Variants in DLC1 observed in about 807,000 individuals in gnomAD.
DLC1 encodes the protein DLC1 Rho GTPase activating protein.
Under a neutral mutation model 140.3 loss-of-function variants are expected in DLC1, and 54 were observed. The observed-to-expected ratio is 0.38, with a 90% CI of 0.31 to 0.48. DLC1 has a LOEUF of 0.48. Among genes scored for constraint, DLC1 ranks in the 20% least tolerant of loss-of-function variants. The pLI is 0.96. For synonymous variants in DLC1, 986 were observed against 728.1 expected, an observed-to-expected ratio of 1.35 and a Z score of -5.70; for missense variants, 2,536 against 1,907.0, an observed-to-expected ratio of 1.33 and a Z score of -6.14.
intron 2 of DLC1, among the ~76,000 whole-genome samples, chr8:13,406,777 A>G (rs919372642): frequency 6.6e-6 from 1 of 152,172 alleles, no homozygotes. Flanking sequence ...TCTGTGTTCT[A>G]TATACCCTCT....
intron 2 of DLC1, among the ~76,000 whole-genome samples, chr8:13,425,202 A>T (rs1411590433): frequency 6.6e-6 from 1 of 152,180 alleles, no homozygotes; most frequent in Non-Finnish European, 1.5e-5. Flanking sequence ...GTTTCCCACA[A>T]ACTCTTCGGC....
rs192461369 is a variant in DLC1, at chr8:13,250,427, T to G, written c.1348+54842A>C. ...ATGACTTCTAGAGTTCTGGATGTCC[T>G]AGACTGATAAAATTTATAAACCCTT... On this transcript the variant is annotated intron_variant, in intron 5 of 17. Transcript: ENST00000276297. Among the ~76,000 whole-genome samples, 210 of 152,298 alleles carry G rather than the reference T, an allele frequency of 1.4e-3. 1 individual carries two copies. The highest frequency in any genetic ancestry group is 4.6e-3 in the African/African-American group (192 of 41,570).
chr8:13,289,763 C>G (rs1164711214), intron 5 of DLC1, among the ~76,000 whole-genome samples: 2 of 152,156 alleles, frequency 1.3e-5, no homozygotes, highest in South Asian at 4.1e-4. Context: ...GAACCTTGTT[C>G]CAATAAACAT....
At chr8:13,408,574 G>A (rs1002605635) in intron 2 of DLC1, among the ~76,000 whole-genome samples, 5 of 152,120 alleles carry the variant, frequency 3.3e-5, no homozygotes, top group South Asian at 2.1e-4. Context: ...GGTGTGAACC[G>A]GCGGGGAGAA....
At chr8:13,462,078 G>A (rs1016706385) in intron 2 of DLC1, among the ~76,000 whole-genome samples, 22 of 152,106 alleles carry the variant, frequency 1.4e-4, no homozygotes, top group African/African-American at 5.1e-4. Flanking sequence ...AATAGTAGGG[G>A]CAGAATGAGA....
At chr8:13,404,423 G>A (rs1011517296) in intron 2 of DLC1, among the ~76,000 whole-genome samples, 16 of 152,180 alleles carry the variant, frequency 1.1e-4, no homozygotes, top group Non-Finnish European at 8.8e-5. Context: ...TGGTGACTCC[G>A]AAACACACTG....
At chr8:13,212,902 G>T (rs972335110) in intron 5 of DLC1, among the ~76,000 whole-genome samples, 2 of 152,086 alleles carry the variant, frequency 1.3e-5, no homozygotes, top group African/African-American at 2.4e-5. Context: ...CTTTTCATTT[G>T]ATCTCATCCA....
chr8:13,555,755 G>C (rs551240119), intron 1 of DLC1, among the ~76,000 whole-genome samples: 2 of 151,784 alleles, frequency 1.3e-5, no homozygotes, highest in Non-Finnish European at 2.9e-5. Context: ...TCTCCGCTTG[G>C]CCTCCCAAAG....
At chr8:13,153,377 C>G (rs577796717) in intron 5 of DLC1, among the ~76,000 whole-genome samples, 2 of 152,340 alleles carry the variant, frequency 1.3e-5, no homozygotes, top group East Asian at 1.9e-4. Flanking sequence ...AGGAGTGAAG[C>G]TGCAAACCTT....
intron 5 of DLC1, among the ~76,000 whole-genome samples, chr8:13,278,146 C>G (rs1241030732): frequency 6.6e-6 from 1 of 152,244 alleles, no homozygotes; most frequent in African/African-American, 2.4e-5. Flanking sequence ...TTTGCCTTAT[C>G]ATTGGACTGG....
At chr8:13,560,531 A>G (rs1804205320) in intron 1 of DLC1, among the ~76,000 whole-genome samples, 1 of 152,212 alleles carries the variant, frequency 6.6e-6, no homozygotes, top group Non-Finnish European at 1.5e-5. Flanking sequence ...AGCAGTTTTC[A>G]TACTAAAAGT....
At chr8:13,392,393 A>G (rs767637579) in intron 4 of DLC1, among the ~76,000 whole-genome samples, 1 of 152,222 alleles carries the variant, frequency 6.6e-6, no homozygotes, top group Non-Finnish European at 1.5e-5. Flanking sequence ...AACACAGGGA[A>G]CATAATTTCC....
Position 13,100,224 on chromosome 8 carries a change from C to T in DLC1, c.2113G>A (p.Glu705Lys). The T allele has an allele frequency of 1.2e-6, 2 of 1,614,202 alleles. No individual in the cohort carries two copies. The highest frequency in any genetic ancestry group is 1.1e-5 in the South Asian group (1 of 91,090). The part of the protein sequence containing the change: ...SGPILQEGMD[E>K]EKLKQLNCVE... The stretch of plus-strand genomic sequence containing the variant: ...CAGTTGAGCTGCTTCAGCTTCTCCT[C>T]ATCCATCCCCTCTTGCAAGATGGGC... The change falls in exon 9 of 18, where the codon GAG (glutamate) becomes AAG (lysine). Residue 705 changes from glutamate to lysine, a missense_variant. Glu to Lys is a moderately conservative substitution (Grantham distance 56). Coordinates refer to ENST00000276297, the MANE Select transcript of DLC1 (RefSeq NM_182643.3).
intron 2 of DLC1, among the ~76,000 whole-genome samples, chr8:13,453,048 C>A (rs991690587): frequency 3.3e-5 from 5 of 151,900 alleles, no homozygotes; most frequent in Non-Finnish European, 1.5e-5. Flanking sequence ...CCCTATCAGG[C>A]AATTTAATCC....
intron 2 of DLC1, among the ~76,000 whole-genome samples, chr8:13,453,396 A>ATATATATATATATATATATATATTTTTT (rs1799164776): frequency 2.3e-5 from 1 of 43,394 alleles, no homozygotes; most frequent in East Asian, 7.8e-4. Context: ...GGATATATAT[A>ATATATATATATATATATATATATTTTTT]TATATGTGTA....
chr8:13,442,538 G>A (rs1215061905), intron 2 of DLC1, among the ~76,000 whole-genome samples: 1 of 152,080 alleles, frequency 6.6e-6, no homozygotes, highest in Non-Finnish European at 1.5e-5. Context: ...TCAAAAAGTG[G>A]GCAAAGGATG....
At chr8:13,204,969 C>T (rs1827581143) in intron 5 of DLC1, among the ~76,000 whole-genome samples, 1 of 152,156 alleles carries the variant, frequency 6.6e-6, no homozygotes, top group East Asian at 1.9e-4. Flanking sequence ...CACTAATTGG[C>T]TTGCTTCTTA....
intron 5 of DLC1, among the ~76,000 whole-genome samples, chr8:13,166,916 T>G (rs1158171294): frequency 6.6e-6 from 1 of 152,102 alleles, no homozygotes; most frequent in African/African-American, 2.4e-5. Context: ...CTTATTTTTT[T>G]GGAGGTGGCA....
intron 5 of DLC1, among the ~76,000 whole-genome samples, chr8:13,255,635 T>G (rs947530010): frequency 6.6e-6 from 1 of 152,172 alleles, no homozygotes; most frequent in African/African-American, 2.4e-5. Flanking sequence ...CATGGCCAGC[T>G]TTCACTGTCT....
Sources: gnomAD v4.1 joint callset for allele counts (sites outside exome capture counted in the v4.1 genomes callset) on GRCh38, gnomAD v4.1.1 for gene constraint, MANE v1.5 for transcripts, NCBI Gene and HGNC (gene_info 2026-07-23, HGNC 2026-07-21) for gene names.